Variants in CSMD1 observed in about 807,000 individuals in gnomAD.
CSMD1 encodes CUB and Sushi multiple domains 1.
CSMD1 carries 213 observed loss-of-function variants against 417.5 expected under a neutral mutation model. That is an observed-to-expected ratio of 0.51 (90% CI 0.46 to 0.57). The LOEUF (loss-of-function observed/expected upper bound fraction) is 0.57, where lower values mean the gene tolerates loss of function less well. Ranked by LOEUF, CSMD1 falls within the 20% of genes least tolerant of loss-of-function variation. CSMD1 has a pLI of 0.00. For missense variants in CSMD1, 6,923 were observed against 4,529.7 expected (o/e 1.53, Z -15.17); for synonymous variants, 2,862 against 1,736.8 (o/e 1.65, Z -16.11).
intron 3 of CSMD1, among the ~76,000 whole-genome samples, chr8:4,336,948 T>C (rs1800208625): frequency 6.6e-6 from 1 of 152,110 alleles, no homozygotes; most frequent in African/African-American, 2.4e-5. Context: ...GGCTACAATG[T>C]TGAAATGGAG....
rs926372856 is a variant in CSMD1 at position 3,704,992 on chromosome 8, G to A, written c.1009+3422C>T. ...TTTTTAACATCTAGAACTTTGGGTAGAACTTGCCCTCTCGAATTCACCAAA... is the reference window on the plus strand; with the variant it reads ...TTTTTAACATCTAGAACTTTGGGTAAAACTTGCCCTCTCGAATTCACCAAA... On this transcript the variant is annotated intron_variant, in intron 7 of 69. Coordinates refer to ENST00000635120, the MANE Select transcript of CSMD1 (RefSeq NM_033225.6). The A allele has an allele frequency of 5.7e-4, 87 of 152,194 alleles. 2 individuals carry two copies. The highest frequency in any genetic ancestry group is 5.6e-3 in the Admixed American group (85 of 15,274). 9.4% of individuals were successfully genotyped at this position (152,194 alleles called of 1,614,324 possible).
intron 1 of CSMD1, among the ~76,000 whole-genome samples, chr8:4,745,425 G>T (rs779728860): frequency 3.9e-5 from 6 of 152,120 alleles, no homozygotes; most frequent in Non-Finnish European, 5.9e-5. Context: ...CTCAAAGAAT[G>T]ACTATGTATA....
intron 7 of CSMD1, among the ~76,000 whole-genome samples, chr8:3,687,226 A>G (rs1799986683): frequency 2.0e-5 from 3 of 152,254 alleles, no homozygotes; most frequent in Non-Finnish European, 4.4e-5. Context: ...GGGCAGGTCC[A>G]CATTCACTTT....
chr8:2,961,049 G>A (rs1045953466), intron 62 of CSMD1, 92 bp downstream of exon 62: 1 of 689,046 alleles, frequency 1.5e-6, no homozygotes, highest in African/African-American at 1.8e-5. Flanking sequence ...ACATGAATAA[G>A]GTATGATATA....
intron 2 of CSMD1, among the ~76,000 whole-genome samples, chr8:4,608,557 T>G (rs531202334): frequency 6.6e-6 from 1 of 152,332 alleles, no homozygotes; most frequent in South Asian, 2.1e-4. Flanking sequence ...TAACAATTAT[T>G]CTGCTCCATC....
chr8:3,807,900 G>C (rs929170174), intron 5 of CSMD1, among the ~76,000 whole-genome samples: 1 of 152,152 alleles, frequency 6.6e-6, no homozygotes, highest in Non-Finnish European at 1.5e-5. Context: ...TTCTTGCCAA[G>C]TAATCACATA....
At chr8:3,215,313 C>A (rs1439051838) in intron 29 of CSMD1, among the ~76,000 whole-genome samples, 2 of 152,186 alleles carry the variant, frequency 1.3e-5, no homozygotes, top group African/African-American at 4.8e-5. Context: ...AATACATTGA[C>A]TGATAGATGA....
intron 1 of CSMD1, among the ~76,000 whole-genome samples, chr8:4,818,187 A>T (rs1799314386): frequency 6.6e-6 from 1 of 152,198 alleles, no homozygotes. Flanking sequence ...AATATATCAT[A>T]TCACCATGAG....
intron 7 of CSMD1, among the ~76,000 whole-genome samples, chr8:3,681,574 T>C (rs145836619): frequency 0.014 from 2,133 of 152,308 alleles, 47 homozygotes; most frequent in African/African-American, 0.048. Flanking sequence ...TCCATGCTTA[T>C]GGATAGGAAG....
intron 1 of CSMD1, among the ~76,000 whole-genome samples, chr8:4,723,088 G>A (rs969452404): frequency 1.3e-5 from 2 of 152,100 alleles, no homozygotes; most frequent in Non-Finnish European, 2.9e-5. Flanking sequence ...TCAGCTTTCT[G>A]TCTGGATACT....
intron 2 of CSMD1, among the ~76,000 whole-genome samples, chr8:4,625,755 G>T (rs141671798): frequency 6.6e-5 from 10 of 152,130 alleles, no homozygotes; most frequent in African/African-American, 1.9e-4. Flanking sequence ...AAAGAGTCTG[G>T]TTCTGTCGCC....
chr8:4,797,242 C>G (rs1342060936), intron 1 of CSMD1, among the ~76,000 whole-genome samples: 1 of 152,152 alleles, frequency 6.6e-6, no homozygotes, highest in African/African-American at 2.4e-5. Flanking sequence ...AGGTTTCATC[C>G]TTTACTATGC....
intron 3 of CSMD1, among the ~76,000 whole-genome samples, chr8:4,190,188 G>T (rs955134155): frequency 6.6e-6 from 1 of 150,610 alleles, no homozygotes; most frequent in South Asian, 2.1e-4. Flanking sequence ...GAACCTGGGA[G>T]GTGGAGCTTG....
chr8:4,332,241 T>C (rs548296998), intron 3 of CSMD1, among the ~76,000 whole-genome samples: 8 of 152,076 alleles, frequency 5.3e-5, no homozygotes, highest in African/African-American at 1.9e-4. Context: ...ACGCTAGCCA[T>C]TGCCACCACA....
chr8:4,818,456 A>G (rs17348228), intron 1 of CSMD1, among the ~76,000 whole-genome samples: 4 of 152,130 alleles, frequency 2.6e-5, no homozygotes, highest in Non-Finnish European at 5.9e-5. Flanking sequence ...GTAAATCCAA[A>G]CTTAAATTCA....
chr8:3,331,305 C>A (rs17080027), intron 23 of CSMD1, among the ~76,000 whole-genome samples: 2 of 151,644 alleles, frequency 1.3e-5, no homozygotes, highest in East Asian at 3.9e-4. Flanking sequence ...GAGCAACTAA[C>A]GTTGATATCT....
At chr8:2,975,276 T>A (rs972993368) in intron 55 of CSMD1, among the ~76,000 whole-genome samples, 1 of 152,194 alleles carries the variant, frequency 6.6e-6, no homozygotes, top group Non-Finnish European at 1.5e-5. Flanking sequence ...TAAATATCCT[T>A]CAAAAAGGCA....
At chr8:4,933,379 C>G (rs910126672) in intron 1 of CSMD1, among the ~76,000 whole-genome samples, 15 of 152,178 alleles carry the variant, frequency 9.9e-5, no homozygotes, top group African/African-American at 3.6e-4. Context: ...AGTGCTGCTT[C>G]CTCCTCGCCA....
intron 5 of CSMD1, among the ~76,000 whole-genome samples, chr8:3,832,418 C>T (rs76868561): frequency 0.044 from 6,643 of 152,182 alleles, 457 homozygotes; most frequent in African/African-American, 0.14. Flanking sequence ...TACTATATTT[C>T]TCTGAATTGC....
Sources: gnomAD v4.1 joint callset for allele counts (sites outside exome capture counted in the v4.1 genomes callset) on GRCh38, gnomAD v4.1.1 for gene constraint, MANE v1.5 for transcripts, NCBI Gene and HGNC (gene_info 2026-07-23, HGNC 2026-07-21) for gene names.